MAF1: variants seen among roughly 807,000 people sequenced by gnomAD.
MAF1 encodes the protein repressor of RNA polymerase III transcription MAF1 homolog.
In MAF1, 7 loss-of-function variants were observed where a neutral mutation model predicts 31.9. That is an observed-to-expected ratio of 0.22 (90% CI 0.12 to 0.41). MAF1 has a LOEUF of 0.41. Among genes scored for constraint, MAF1 ranks in the 10% least tolerant of loss-of-function variants. The pLI is 1.00. For synonymous variants in MAF1, 157 were observed against 120.0 expected (o/e 1.31, Z -2.02); for missense variants, 221 against 323.1 (o/e 0.68, Z 2.42).
chr8:144,105,672 T>G lies in MAF1; in HGVS notation c.-12T>G. The G allele has an allele frequency of 1.2e-6, 2 of 1,612,838 alleles. No individual in the cohort carries two copies. The highest frequency in any genetic ancestry group is 1.7e-6 in the Non-Finnish European group (2 of 1,179,516). Reference sequence around the variant, plus strand: ...TAGCCCCTCTGGAGCACGGAGCTCCTTCCCCAAAGACATGAAGCTATTGGA... The same window carrying G: ...TAGCCCCTCTGGAGCACGGAGCTCCGTCCCCAAAGACATGAAGCTATTGGA... On this transcript the variant is annotated 5_prime_UTR_variant, in exon 2 of 8. Transcript: ENST00000322428.
chr8:144,105,481 C>T (rs1836393387), intron 1 of MAF1, 159 bp from the exon 2 acceptor site: 3 of 596,552 alleles, frequency 5.0e-6, no homozygotes, highest in East Asian at 2.8e-5. Context: ...ATCTCTGTCA[C>T]CTCTCCTGGC....
rs964188606 is a variant in MAF1, at chr8:144,107,428, C to T, written c.*319C>T. ...GTTTATTTTTGTATTTCTACTGGGC[C>T]TGCACACTCCAGCCCAAAGGGTCTG... On this transcript the variant is annotated 3_prime_UTR_variant, in exon 8 of 8. Transcript: ENST00000322428. 5.1e-6 allele frequency: 3 copies of T among 583,192 alleles called. No homozygotes were observed. The highest frequency in any genetic ancestry group is 3.0e-5 in the Admixed American group (1 of 33,342). The allele number at this position is 583,192 out of a possible 1,614,324, so 36.1% of individuals were successfully genotyped here.
Position 144,107,190 on chromosome 8 carries a change from C to T in MAF1, c.*81C>T. Reference sequence around the variant, plus strand: ...CCACCTGAGAGGCCCCTGGGGCCTCCCCAGCTGCTGGCCAGACCCTGGCGC... The same window carrying T: ...CCACCTGAGAGGCCCCTGGGGCCTCTCCAGCTGCTGGCCAGACCCTGGCGC... On this transcript the variant is annotated 3_prime_UTR_variant, in exon 8 of 8. Coordinates refer to ENST00000322428, the MANE Select transcript of MAF1 (RefSeq NM_032272.5). 1.3e-6 allele frequency: 2 copies of T among 1,505,126 alleles called. No homozygotes were observed. The highest frequency in any genetic ancestry group is 1.8e-6 in the Non-Finnish European group (2 of 1,105,772). The allele number at this position is 1,505,126 out of a possible 1,614,324, so 93.2% of individuals were successfully genotyped here. A position where few individuals can be genotyped will look rare whatever the true frequency, so the allele number is the denominator to read the frequency against.
intron 1 of MAF1, chr8:144,105,420 G>C (rs1836392317): frequency 3.8e-6 from 2 of 522,542 alleles, no homozygotes; most frequent in Non-Finnish European, 6.9e-6. Flanking sequence ...GTGTTCTGCA[G>C]GGGGTATGGC....
chr8:144,106,987 G>C (rs375768214), intron 7 of MAF1, 24 bp downstream of exon 7: 59 of 1,545,758 alleles, frequency 3.8e-5, no homozygotes, highest in Non-Finnish European at 4.7e-5. Context: ...GCCATGACCC[G>C]GGTCCTTGAA....
chr8:144,105,333 A>C, intron 1 of MAF1: 3 of 278,064 alleles, frequency 1.1e-5, no homozygotes, highest in Non-Finnish European at 1.4e-5. Context: ...GGGAATGGGA[A>C]TGTTGAGCAA....
At position 144,105,769 on chromosome 8, in the gene MAF1, G is replaced by A. The variant is rs1173337965; in HGVS notation, c.83+3G>A. On this transcript the variant is annotated splice_donor_region_variant and intron_variant, in intron 2 of 7. Coordinates refer to ENST00000322428, the MANE Select transcript of MAF1 (RefSeq NM_032272.5). ...GGAGATGCCCACATCATTGGCAGGTGAGGCAGGCTGGGGGGGCTGGCATCT... is the reference window on the plus strand; with the variant it reads ...GGAGATGCCCACATCATTGGCAGGTAAGGCAGGCTGGGGGGGCTGGCATCT... The A allele has an allele frequency of 1.2e-6, 2 of 1,612,760 alleles. No homozygotes were observed. Among genetic ancestry groups the A allele is most frequent in the Non-Finnish European group, 1.7e-6 (2 of 1,179,940 alleles).
At position 144,107,008 on chromosome 8, in the gene MAF1, G is replaced by C; in HGVS notation, c.749+45G>C. 1.9e-6 allele frequency: 3 copies of C among 1,554,300 alleles called. No homozygotes were observed. In the East Asian group the frequency reaches 7.3e-5, roughly 38 times the overall value. On this transcript the variant is annotated intron_variant, in intron 7 of 7. Transcript: ENST00000322428. ...ACCCGGGTCCTTGAAGCCTGGAGTG[G>C]GTACAACAGGGTGGGGGCCTCCTCT... is the stretch of plus-strand genomic sequence containing the variant.
intron 7 of MAF1, 57 bp from the exon 8 acceptor site, chr8:144,107,031 T>C: frequency 6.4e-7 from 1 of 1,560,756 alleles, no homozygotes; most frequent in Non-Finnish European, 8.7e-7. Flanking sequence ...GGGGGCCTCC[T>C]CTACTTGGTC....
At position 144,106,621 on chromosome 8, in the gene MAF1, C is replaced by T. The variant is rs780738426; in HGVS notation, c.567C>T (p.Phe189=). The T allele has an allele frequency of 8.1e-6, 13 of 1,613,774 alleles. No homozygotes were observed. In the Admixed American group the frequency reaches 8.3e-5, roughly 10 times the overall value. The change falls in exon 6 of 8, where the codon TTC becomes TTT. Residue 189 remains phenylalanine, a synonymous_variant. Transcript: ENST00000322428. The part of the protein sequence containing the change: ...EDGSLWSFNY[F]FYNKRLKRIV... ...GTAGCCTCTGGTCCTTCAACTACTT[C>T]TTCTACAACAAGCGGCTCAAGCGAA... is the stretch of plus-strand genomic sequence containing the variant.
In MAF1 at chr8:144,105,783, G is replaced by A; in HGVS notation, c.83+17G>A. 1.9e-6 allele frequency: 3 copies of A among 1,612,792 alleles called. No individual in the cohort carries two copies. The highest frequency in any genetic ancestry group is 1.7e-6 in the Non-Finnish European group (2 of 1,179,906). Reference sequence around the variant, plus strand: ...CATTGGCAGGTGAGGCAGGCTGGGGGGGCTGGCATCTCGGAGGTCACACTG... The same window carrying A: ...CATTGGCAGGTGAGGCAGGCTGGGGAGGCTGGCATCTCGGAGGTCACACTG... On this transcript the variant is annotated intron_variant, in intron 2 of 7. Transcript: ENST00000322428.
chr8:144,107,608 CTT>C lies in MAF1; in HGVS notation c.*500_*501del. ...TTCTTTCCAATAAAAGTTTCTGTGACTTAGTGTGGACCTGATGCGGTGTGGGG... is the reference window on the plus strand; with the variant it reads ...TTCTTTCCAATAAAAGTTTCTGTGACAGTGTGGACCTGATGCGGTGTGGGG... On this transcript the variant is annotated 3_prime_UTR_variant, in exon 8 of 8. Transcript: ENST00000322428. 1.8e-6 allele frequency: 1 copy of C among 568,230 alleles called. No homozygotes were observed. Among genetic ancestry groups the C allele is most frequent in the Non-Finnish European group, 3.3e-6 (1 of 303,852 alleles). The allele number at this position is 568,230 out of a possible 1,614,324, so 35.2% of individuals were successfully genotyped here.
In MAF1 at chr8:144,106,000, G is replaced by A. The variant is rs766116574; in HGVS notation, c.212+3G>A. ...ACTTCAGGACTGAGCCCCAGCAGGT[G>A]AGCCATGGTGGGGCCTACCTGGGGC... is the stretch of plus-strand genomic sequence containing the variant. On this transcript the variant is annotated splice_donor_region_variant and intron_variant, in intron 3 of 7. Coordinates refer to ENST00000322428, the MANE Select transcript of MAF1 (RefSeq NM_032272.5). 2.5e-6 allele frequency: 4 copies of A among 1,613,414 alleles called. No individual in the cohort carries two copies. The South Asian group carries it at 3.3e-5, about 13-fold the overall frequency.
rs141573856 is a variant in MAF1 at position 144,105,859 on chromosome 8, C to T, written c.84-10C>T. 1.9e-4 allele frequency: 307 copies of T among 1,612,982 alleles called. 2 individuals are homozygous for T. The African/African-American group carries it at 3.6e-3, about 19-fold the overall frequency. On this transcript the variant is annotated splice_polypyrimidine_tract_variant and intron_variant, in intron 2 of 7. Coordinates refer to ENST00000322428, the MANE Select transcript of MAF1 (RefSeq NM_032272.5). ...GAAGCATGCTTCATGGTTCTCTCTG[C>T]ATCCTATAGGATTGAGAGCTACTCA...
chr8:144,105,298 C>CTCT (rs66878813), intron 1 of MAF1: 201,712 of 209,154 alleles, frequency 0.96, 97,779 homozygotes, highest in East Asian at 1. Flanking sequence ...GTGGCTGGAG[C>CTCT]TCTTTTGGAG....
At position 144,106,868 on chromosome 8, in the gene MAF1, C is replaced by G. The variant is rs538046198; in HGVS notation, c.654C>G (p.Asn218Lys). 9.0e-5 allele frequency: 137 copies of G among 1,530,388 alleles called. No homozygotes were observed. In the Middle Eastern group the frequency reaches 1.1e-3, roughly 12 times the overall value. 94.8% of individuals were successfully genotyped at this position (1,530,388 alleles called of 1,614,324 possible). A position where few individuals can be genotyped will look rare whatever the true frequency, so the allele number is the denominator to read the frequency against. ...CCTACACACCCTCAGAGGCAGGCAA[C>G]GAGCTGGACATGGAGCTGGGGGAGG... ...GSTYTPSEAG[N>K]ELDMELGEEE... The change falls in exon 7 of 8, where the codon AAC becomes AAG. Residue 218 changes from asparagine to lysine, a missense_variant. Coordinates refer to ENST00000322428, the MANE Select transcript of MAF1 (RefSeq NM_032272.5).
chr8:144,107,351 GCGACTGC>G lies in MAF1; in HGVS notation c.*244_*250del, dbSNP rs1836435726. ...GTCAGCAGGGGGCCTGGTGGGAGGA[GCGACTGC>G]CCTGCCCAAATGAACTGCCACAGCA... On this transcript the variant is annotated 3_prime_UTR_variant, in exon 8 of 8. Coordinates refer to ENST00000322428, the MANE Select transcript of MAF1 (RefSeq NM_032272.5). 3.3e-6 allele frequency: 2 copies of G among 608,146 alleles called. No homozygotes were observed. Among genetic ancestry groups the G allele is most frequent in the East Asian group, 5.5e-5 (2 of 36,178 alleles). 37.7% of individuals were successfully genotyped at this position (608,146 alleles called of 1,614,324 possible). A position where few individuals can be genotyped will look rare whatever the true frequency, so the allele number is the denominator to read the frequency against.
At position 144,106,874 on chromosome 8, in the gene MAF1, G is replaced by A. The variant is rs191280172; in HGVS notation, c.660G>A (p.Leu220=). 171 of 1,532,504 alleles carry A rather than the reference G, an allele frequency of 1.1e-4. 1 individual carries two copies. In the East Asian group the frequency reaches 3.6e-3, roughly 33 times the overall value. 94.9% of individuals were successfully genotyped at this position (1,532,504 alleles called of 1,614,324 possible). A position where few individuals can be genotyped will look rare whatever the true frequency, so the allele number is the denominator to read the frequency against. ...CACCCTCAGAGGCAGGCAACGAGCT[G>A]GACATGGAGCTGGGGGAGGAGGAGG... ...TYTPSEAGNE[L]DMELGEEEVE... Residue 220 remains leucine (L), a synonymous_variant, in exon 7 of 8, where the codon CTG becomes CTA. Transcript: ENST00000322428.
intron 4 of MAF1, 34 bp downstream of exon 4, chr8:144,106,275 C>CA (rs1206042130): frequency 1.2e-6 from 2 of 1,613,134 alleles, no homozygotes; most frequent in Non-Finnish European, 1.7e-6. Context: ...GACCCACAGC[C>CA]ACCCCACTGT....
Sources: gnomAD v4.1 joint callset for allele counts on GRCh38, gnomAD v4.1.1 for gene constraint, MANE v1.5 for transcripts, NCBI Gene and HGNC (gene_info 2026-07-23, HGNC 2026-07-21) for gene names.